SGMS1: variants seen among roughly 807,000 people sequenced by gnomAD.
The protein encoded by SGMS1 is phosphatidylcholine:ceramide cholinephosphotransferase 1.
In SGMS1, 13 loss-of-function variants were observed where a neutral mutation model predicts 46.2. The observed-to-expected ratio is 0.28, with a 90% CI of 0.18 to 0.45. The LOEUF is 0.45. Among genes scored for constraint, SGMS1 ranks in the 20% least tolerant of loss-of-function variants. SGMS1 has a pLI of 1.00. For missense variants in SGMS1, 324 were observed against 519.9 expected (o/e 0.62, Z 3.66); for synonymous variants, 203 against 187.8 (o/e 1.08, Z -0.66).
chr10:50,459,267 A>G lies in SGMS1; in HGVS notation c.-313+1406T>C, dbSNP rs559598153. Among the ~76,000 whole-genome samples, 595 of 152,360 alleles carry G rather than the reference A, an allele frequency of 3.9e-3. 1 individual carries two copies. The highest frequency in any genetic ancestry group is 5.4e-3 in the Non-Finnish European group (366 of 68,036). On this transcript the variant is annotated intron_variant, in intron 5 of 10. Transcript: ENST00000361781. ...AATAATATATTCTCAGTGATATTAT[A>G]AAAATAATAAAAGTTGAAAATACTT...
intron 6 of SGMS1, among the ~76,000 whole-genome samples, chr10:50,405,222 C>T (rs117457521): frequency 6.6e-6 from 1 of 151,774 alleles, no homozygotes; most frequent in African/African-American, 2.4e-5. Flanking sequence ...CTCAACAAAA[C>T]CTAATTAAAA....
chr10:50,582,867 T>C (rs189610247), intron 2 of SGMS1, among the ~76,000 whole-genome samples: 223 of 152,300 alleles, frequency 1.5e-3, no homozygotes, highest in Non-Finnish European at 2.5e-3. Flanking sequence ...CAGAGGCAAG[T>C]GTGGGGACAG....
At position 50,570,460 on chromosome 10, in the gene SGMS1, A is replaced by C. The variant is rs1363036029; in HGVS notation, c.-589+19693T>G. Among the ~76,000 whole-genome samples, 3 of 152,232 alleles carry C rather than the reference A, an allele frequency of 2.0e-5. No homozygotes were observed. The East Asian group carries it at 5.8e-4, about 29-fold the overall frequency. On this transcript the variant is annotated intron_variant, in intron 2 of 10. Coordinates refer to ENST00000361781, the MANE Select transcript of SGMS1 (RefSeq NM_147156.4). ...AAATCAACATAATCTGGACCTTATGAGTATAGCTAGTGCCACTGCATTACA... is the reference window on the plus strand; with the variant it reads ...AAATCAACATAATCTGGACCTTATGCGTATAGCTAGTGCCACTGCATTACA...
At chr10:50,609,273 AT>A (rs916324512) in intron 1 of SGMS1, among the ~76,000 whole-genome samples, 4 of 151,792 alleles carry the variant, frequency 2.6e-5, no homozygotes, top group Admixed American at 1.3e-4. Flanking sequence ...GCCTGGGGGT[AT>A]TTTTTTTATT....
At chr10:50,456,745 C>A (rs547680706) in intron 5 of SGMS1, among the ~76,000 whole-genome samples, 1 of 152,232 alleles carries the variant, frequency 6.6e-6, no homozygotes, top group East Asian at 1.9e-4. Context: ...AGTAGTAAAG[C>A]CAACTAGGAG....
intron 3 of SGMS1, among the ~76,000 whole-genome samples, chr10:50,481,087 G>T (rs1175868108): frequency 6.6e-6 from 1 of 152,244 alleles, no homozygotes; most frequent in Non-Finnish European, 1.5e-5. Flanking sequence ...TTTCCTGCCT[G>T]CTGGCTCTAA....
chr10:50,613,129 T>C (rs762475398), intron 1 of SGMS1, among the ~76,000 whole-genome samples: 40 of 152,140 alleles, frequency 2.6e-4, no homozygotes, highest in Non-Finnish European at 5.7e-4. Context: ...TCATGTGGCT[T>C]TCAACCCTAA....
rs191759193 is a variant in SGMS1 at position 50,503,629 on chromosome 10, A to C, written c.-498+16202T>G. On this transcript the variant is annotated intron_variant, in intron 3 of 10. Transcript: ENST00000361781. ...CTCTTTTCGGACTCAGCCCGCCTGC[A>C]CCCAGGTGAAATAAACAGCCTTGTT... Among the ~76,000 whole-genome samples the C allele has an allele frequency of 9.3e-3, 1,418 of 152,236 alleles. 26 individuals carry two copies. The highest frequency in any genetic ancestry group is 0.033 in the African/African-American group (1,353 of 41,524).
At chr10:50,317,655 T>C (rs1295865698) in intron 8 of SGMS1, among the ~76,000 whole-genome samples, 1 of 152,230 alleles carries the variant, frequency 6.6e-6, no homozygotes, top group East Asian at 1.9e-4. Context: ...GTTGTTCTAA[T>C]GAAATTTAAC....
At chr10:50,457,478 A>G (rs993397863) in intron 5 of SGMS1, among the ~76,000 whole-genome samples, 1 of 152,066 alleles carries the variant, frequency 6.6e-6, no homozygotes, top group Non-Finnish European at 1.5e-5. Context: ...TTACACGGGT[A>G]GGTTGTGTGT....
intron 5 of SGMS1, among the ~76,000 whole-genome samples, chr10:50,445,146 A>C (rs937157565): frequency 2.0e-5 from 3 of 152,222 alleles, no homozygotes; most frequent in African/African-American, 7.2e-5. Context: ...AACAACAGGA[A>C]TCTACAAGAT....
At chr10:50,412,418 G>T (rs990479482) in intron 6 of SGMS1, among the ~76,000 whole-genome samples, 5 of 152,172 alleles carry the variant, frequency 3.3e-5, no homozygotes, top group African/African-American at 1.2e-4. Flanking sequence ...GACGGATTGT[G>T]AATACTCTGA....
chr10:50,580,991 C>T lies in SGMS1; in HGVS notation c.-589+9162G>A, dbSNP rs531548263. Among the ~76,000 whole-genome samples the T allele has an allele frequency of 5.9e-5, 9 of 152,284 alleles. No homozygotes were observed. The South Asian group carries it at 1.9e-3, about 32-fold the overall frequency. On this transcript the variant is annotated intron_variant, in intron 2 of 10. Transcript: ENST00000361781. ...TGTTAAAACACTGATCACCACACCCCACCCCCAGAGTTTCAATTCAGTAGG... is the reference window on the plus strand; with the variant it reads ...TGTTAAAACACTGATCACCACACCCTACCCCCAGAGTTTCAATTCAGTAGG...
intron 2 of SGMS1, among the ~76,000 whole-genome samples, chr10:50,585,151 C>G (rs1564438127): frequency 6.6e-6 from 1 of 152,198 alleles, no homozygotes; most frequent in Non-Finnish European, 1.5e-5. Flanking sequence ...AGCACACAAA[C>G]AGAGATAGAT....
At chr10:50,430,514 C>CATGCAAAATAGTTTTGCAA (rs199921572) in intron 6 of SGMS1, among the ~76,000 whole-genome samples, 1 of 150,050 alleles carries the variant, frequency 6.7e-6, no homozygotes. Flanking sequence ...TTTTCACTGC[C>CATGCAAAATAGTTTTGCAA]ATGCAAAATA....
intron 3 of SGMS1, among the ~76,000 whole-genome samples, chr10:50,490,107 T>C (rs528621639): frequency 6.6e-6 from 1 of 152,388 alleles, no homozygotes; most frequent in Non-Finnish European, 1.5e-5. Flanking sequence ...GCTATCAATT[T>C]GCTTTTTGAC....
chr10:50,469,285 A>G (rs142847307), intron 3 of SGMS1, among the ~76,000 whole-genome samples: 38 of 152,164 alleles, frequency 2.5e-4, no homozygotes, highest in African/African-American at 8.4e-4. Flanking sequence ...GGATCTTGAC[A>G]CTCCTTCCTC....
chr10:50,530,926 C>T (rs554139796), intron 2 of SGMS1, among the ~76,000 whole-genome samples: 8 of 152,040 alleles, frequency 5.3e-5, no homozygotes, highest in Admixed American at 5.2e-4. Flanking sequence ...GAAATAAACA[C>T]CTTTTTCTTA....
intron 6 of SGMS1, among the ~76,000 whole-genome samples, chr10:50,381,828 C>T (rs1048398105): frequency 2.8e-4 from 42 of 152,140 alleles, no homozygotes; most frequent in African/African-American, 9.4e-4. Flanking sequence ...TATCTGTTAC[C>T]ACTCAGGGGG....
Sources: gnomAD v4.1 joint callset for allele counts (sites outside exome capture counted in the v4.1 genomes callset) on GRCh38, gnomAD v4.1.1 for gene constraint, MANE v1.5 for transcripts, NCBI Gene and HGNC (gene_info 2026-07-23, HGNC 2026-07-21) for gene names.